Variants in PCNX1 observed in about 807,000 individuals in gnomAD.
The protein encoded by PCNX1 is pecanex 1.
A neutral mutation model predicts 242.2 loss-of-function variants in PCNX1; 78 were observed. That is an observed-to-expected ratio of 0.32 (90% CI 0.27 to 0.39). The LOEUF is 0.39. PCNX1 is among the 10% of genes least tolerant of loss of function. The probability of loss-of-function intolerance (pLI) is 1.00; values close to 1 mark genes in which losing one functional copy is unlikely to be tolerated. For synonymous variants in PCNX1, 1,024 were observed against 1,032.9 expected (o/e 0.99, Z 0.17); for missense variants, 2,581 against 2,856.5 (o/e 0.90, Z 2.20).
chr14:70,912,195 A>C (rs1432113802), intron 1 of PCNX1, among the ~76,000 whole-genome samples: 1 of 151,950 alleles, frequency 6.6e-6, no homozygotes, highest in Non-Finnish European at 1.5e-5. Context: ...AGATTGTGCC[A>C]CTGCACTCCA....
chr14:71,062,835 A>G (rs990868201), intron 26 of PCNX1, among the ~76,000 whole-genome samples: 6 of 152,196 alleles, frequency 3.9e-5, no homozygotes, highest in Non-Finnish European at 7.3e-5. Flanking sequence ...CAAGTGCCCT[A>G]TATAGATATA....
intron 1 of PCNX1, among the ~76,000 whole-genome samples, chr14:70,944,902 C>A (rs1248398433): frequency 4.6e-5 from 7 of 152,186 alleles, no homozygotes; most frequent in African/African-American, 1.7e-4. Flanking sequence ...GAAGCGGTGC[C>A]TTCTGCCATG....
chr14:70,956,963 T>G (rs1314266794), intron 2 of PCNX1, among the ~76,000 whole-genome samples: 2 of 147,572 alleles, frequency 1.4e-5, no homozygotes, highest in East Asian at 4.3e-4. Context: ...CTGGATATAA[T>G]AAGTACTGAG....
At chr14:71,039,417 A>G (rs189383296) in intron 19 of PCNX1, among the ~76,000 whole-genome samples, 2 of 152,162 alleles carry the variant, frequency 1.3e-5, no homozygotes, top group Non-Finnish European at 2.9e-5. Flanking sequence ...GTTCCCCTCC[A>G]TGTGGTCCTC....
chr14:70,973,781 A>C (rs1275590305), intron 5 of PCNX1, among the ~76,000 whole-genome samples: 1 of 152,202 alleles, frequency 6.6e-6, no homozygotes, highest in Non-Finnish European at 1.5e-5. Flanking sequence ...ACTTTAGAAA[A>C]TATAGTTAAG....
At chr14:71,045,382 T>C (rs1595362782) in intron 20 of PCNX1, 99 bp downstream of exon 20, 1 of 856,134 alleles carries the variant, frequency 1.2e-6, no homozygotes, top group Non-Finnish European at 1.8e-6. Context: ...TAACAGAACA[T>C]TTGGCTTGTG....
At chr14:70,988,151 A>C (rs1383388134) in intron 6 of PCNX1, among the ~76,000 whole-genome samples, 3 of 152,160 alleles carry the variant, frequency 2.0e-5, no homozygotes, top group Non-Finnish European at 4.4e-5. Context: ...TACAATACGA[A>C]TATAAGAAAC....
At position 71,112,238 on chromosome 14, in the gene PCNX1, C is replaced by T. The variant is rs1031425599; in HGVS notation, c.*2303C>T. Reference sequence around the variant, plus strand: ...AATTTTTTAATTTCTAGCCCCTCCTCCAAAAAAATTTTAAACACATCACAT... The same window carrying T: ...AATTTTTTAATTTCTAGCCCCTCCTTCAAAAAAATTTTAAACACATCACAT... On this transcript the variant is annotated 3_prime_UTR_variant, in exon 36 of 36. Transcript: ENST00000304743. 22 of 152,058 alleles carry T rather than the reference C, an allele frequency of 1.4e-4. No homozygotes were observed. The highest frequency in any genetic ancestry group is 1.4e-3 in the Admixed American group (22 of 15,282). The allele number at this position is 152,058 out of a possible 1,614,324, so 9.4% of individuals were successfully genotyped here.
intron 30 of PCNX1, among the ~76,000 whole-genome samples, chr14:71,091,085 C>T (rs576159338): frequency 6.6e-6 from 1 of 152,262 alleles, no homozygotes; most frequent in African/African-American, 2.4e-5. Context: ...ACCAAGAAGC[C>T]ATGGAGGGCT....
chr14:70,949,936 G>A (rs955975430), intron 2 of PCNX1, among the ~76,000 whole-genome samples: 1 of 152,154 alleles, frequency 6.6e-6, no homozygotes, highest in Non-Finnish European at 1.5e-5. Context: ...ACCAAGTTGA[G>A]AAAGATCAAA....
chr14:70,949,133 T>G (rs542051261), intron 2 of PCNX1, among the ~76,000 whole-genome samples: 1 of 114,364 alleles, frequency 8.7e-6, no homozygotes, highest in African/African-American at 2.8e-5. Flanking sequence ...TATATGTACA[T>G]ATACACATAT....
intron 2 of PCNX1, among the ~76,000 whole-genome samples, chr14:70,949,869 C>G (rs1350719559): frequency 6.6e-6 from 1 of 152,124 alleles, no homozygotes; most frequent in African/African-American, 2.4e-5. Flanking sequence ...CTTGACATAC[C>G]TCAAAACAAT....
chr14:70,977,627 GAA>G lies in PCNX1; in HGVS notation c.1292_1293del (p.Lys431ArgfsTer11). 6.2e-7 allele frequency: 1 copy of G among 1,614,194 alleles called. No individual in the cohort carries two copies. The highest frequency in any genetic ancestry group is 8.5e-7 in the Non-Finnish European group (1 of 1,180,030). On this transcript the variant is annotated frameshift_variant, in exon 6 of 36. Coordinates refer to ENST00000304743, the MANE Select transcript of PCNX1 (RefSeq NM_014982.3). LOFTEE classifies it high-confidence loss of function. The part of the protein sequence containing the change: ...PKAGTKSGRK[K>X]ECCAGPEEKN... ...AAGCAGGAACAAAAAGTGGGAGGAA[GAA>G]AGAGTGCTGTGCAGGCCCAGAGGAG...
At chr14:71,029,816 G>T (rs1032482362) in intron 16 of PCNX1, among the ~76,000 whole-genome samples, 3 of 152,184 alleles carry the variant, frequency 2.0e-5, no homozygotes, top group African/African-American at 7.2e-5. Context: ...GACATCTAAG[G>T]TCATTCCTCT....
At chr14:71,042,414 A>G (rs918039267) in intron 19 of PCNX1, among the ~76,000 whole-genome samples, 4 of 152,088 alleles carry the variant, frequency 2.6e-5, no homozygotes, top group Admixed American at 6.6e-5. Context: ...TTATTATTAT[A>G]TAACGACCTT....
At chr14:70,948,089 A>G (rs940798497) in intron 2 of PCNX1, among the ~76,000 whole-genome samples, 6 of 152,180 alleles carry the variant, frequency 3.9e-5, no homozygotes, top group Non-Finnish European at 5.9e-5. Flanking sequence ...ATCAATGACA[A>G]TCTGTGCATA....
At chr14:71,103,361 C>T in intron 31 of PCNX1, 34 bp from the exon 32 acceptor site, 1 of 1,606,940 alleles carries the variant, frequency 6.2e-7, no homozygotes. Context: ...ATTCTTGGCC[C>T]CTTAACCTAA....
intron 15 of PCNX1, among the ~76,000 whole-genome samples, chr14:71,028,021 A>G (rs1184829979): frequency 1.3e-5 from 2 of 151,880 alleles, no homozygotes; most frequent in Non-Finnish European, 2.9e-5. Flanking sequence ...TATTATTATT[A>G]AATTACTACT....
At chr14:70,979,483 GT>G (rs1177478979) in intron 6 of PCNX1, among the ~76,000 whole-genome samples, 1 of 148,420 alleles carries the variant, frequency 6.7e-6, no homozygotes, top group African/African-American at 2.4e-5. Context: ...TTTGGTTCTG[GT>G]TTTTATGGAA....
Sources: allele counts gnomAD v4.1 joint callset (sites outside exome capture counted in the v4.1 genomes callset), GRCh38; gene constraint gnomAD v4.1.1; transcripts MANE v1.5; gene names NCBI Gene and HGNC (gene_info 2026-07-23, HGNC 2026-07-21).